Variants in TRIM35 observed in about 807,000 individuals in gnomAD.
TRIM35 encodes tripartite motif containing 35.
TRIM35 carries 37 observed loss-of-function variants against 49.1 expected under a neutral mutation model. That is an observed-to-expected ratio of 0.75 (90% CI 0.58 to 0.99). TRIM35 has a LOEUF of 0.99. Among genes scored for constraint, TRIM35 ranks in the 50% least tolerant of loss-of-function variants. TRIM35 has a pLI of 0.00. For missense variants in TRIM35, 648 were observed against 702.7 expected (o/e 0.92, Z 0.88); for synonymous variants, 302 against 289.3 (o/e 1.04, Z -0.45).
chr8:27,311,204 G>A lies in TRIM35; in HGVS notation c.32C>T (p.Pro11Leu), dbSNP rs201933491. The A allele has an allele frequency of 6.3e-7, 1 of 1,590,702 alleles. No individual in the cohort carries two copies. Among genetic ancestry groups the A allele is most frequent in the East Asian group, 2.3e-5 (1 of 44,156 alleles). ...CAACTCCTCCTTGAAGGAGCGGGAAGGCCCGGGGGACACGTCGGGACTCCG... is the reference window on the plus strand; with the variant it reads ...CAACTCCTCCTTGAAGGAGCGGGAAAGCCCGGGGGACACGTCGGGACTCCG... The part of the protein sequence containing the change: MERSPDVSPG[P>L]SRSFKEELLC... Residue 11 changes from proline (P) to leucine (L), a missense_variant, in exon 1 of 6, where the codon CCT (proline) becomes CTT (leucine). Coordinates refer to ENST00000305364, the MANE Select transcript of TRIM35 (RefSeq NM_171982.5).
At position 27,311,164 on chromosome 8, in the gene TRIM35, G is replaced by A. The variant is rs1337034691; in HGVS notation, c.72C>T (p.Cys24=). Reference sequence around the variant, plus strand: ...TGACTGCGTCGCGGAAGGGGTCGTAGCAGACGGCGCAGAGCAACTCCTCCT... The same window carrying A: ...TGACTGCGTCGCGGAAGGGGTCGTAACAGACGGCGCAGAGCAACTCCTCCT... ...SFKEELLCAV[C]YDPFRDAVTL... Residue 24 remains cysteine (C), a synonymous_variant, in exon 1 of 6, where the codon TGC becomes TGT. Transcript: ENST00000305364. 6.8e-6 allele frequency: 11 copies of A among 1,607,210 alleles called. No individual in the cohort carries two copies. Among genetic ancestry groups the A allele is most frequent in the Non-Finnish European group, 9.3e-6 (11 of 1,177,920 alleles).
At chr8:27,310,601 C>T (rs975219040) in intron 1 of TRIM35, among the ~76,000 whole-genome samples, 200 bp downstream of exon 1, 1 of 152,260 alleles carries the variant, frequency 6.6e-6, no homozygotes, top group Non-Finnish European at 1.5e-5. Context: ...GCATTCTCTT[C>T]TCCCAGCACG....
chr8:27,291,058 C>CAAAAAA (rs56953962), intron 3 of TRIM35, among the ~76,000 whole-genome samples: 8 of 50,614 alleles, frequency 1.6e-4, no homozygotes, highest in East Asian at 6.3e-4. Context: ...TGTTGACATG[C>CAAAAAA]AAAAAAAAAA....
At chr8:27,290,723 C>T (rs1013732195) in intron 3 of TRIM35, among the ~76,000 whole-genome samples, 1 of 152,162 alleles carries the variant, frequency 6.6e-6, no homozygotes, top group African/African-American at 2.4e-5. Flanking sequence ...AGTGCAATCC[C>T]TTATCCTAGC....
chr8:27,286,397 C>G lies in TRIM35; in HGVS notation c.*1153G>C. 3.2e-6 allele frequency: 1 copy of G among 316,634 alleles called. No individual in the cohort carries two copies. The highest frequency in any genetic ancestry group is 4.1e-5 in the Admixed American group (1 of 24,374). The allele number at this position is 316,634 out of a possible 1,614,324, so 19.6% of individuals were successfully genotyped here. ...GTTTAGGGCCACGTCCATGGCGCCA[C>G]CCCTCTCCTTTCTTCCCAACTGAAA... is the stretch of plus-strand genomic sequence containing the variant. On this transcript the variant is annotated 3_prime_UTR_variant, in exon 6 of 6. Coordinates refer to ENST00000305364, the MANE Select transcript of TRIM35 (RefSeq NM_171982.5).
intron 3 of TRIM35, among the ~76,000 whole-genome samples, chr8:27,290,891 T>G (rs1802439294): frequency 6.6e-6 from 1 of 152,046 alleles, no homozygotes; most frequent in African/African-American, 2.4e-5. Context: ...CAAGATAGTA[T>G]GGTACTAATA....
At chr8:27,305,858 T>C (rs1462330894) in intron 1 of TRIM35, among the ~76,000 whole-genome samples, 1 of 152,156 alleles carries the variant, frequency 6.6e-6, no homozygotes, top group African/African-American at 2.4e-5. Context: ...TTATGTAAGA[T>C]ACAGGGTCTC....
In TRIM35 at chr8:27,287,399, G is replaced by T; in HGVS notation, c.*151C>A. On this transcript the variant is annotated 3_prime_UTR_variant, in exon 6 of 6. Coordinates refer to ENST00000305364, the MANE Select transcript of TRIM35 (RefSeq NM_171982.5). This position sits in a 1 kb window ranked among gnomAD's most constrained non-coding sequence, Gnocchi z 6.0. ...GGGACCAAACATGGAGAGAGGCACAGCCTGGAGTCATGGAAAAGGACCAGG... is the reference window on the plus strand; with the variant it reads ...GGGACCAAACATGGAGAGAGGCACATCCTGGAGTCATGGAAAAGGACCAGG... 1 of 852,362 alleles carries T rather than the reference G, an allele frequency of 1.2e-6. No homozygotes were observed. The highest frequency in any genetic ancestry group is 1.8e-6 in the Non-Finnish European group (1 of 561,586). 52.8% of individuals were successfully genotyped at this position (852,362 alleles called of 1,614,324 possible).
chr8:27,287,345 C>T lies in TRIM35; in HGVS notation c.*205G>A, dbSNP rs912229342. On this transcript the variant is annotated 3_prime_UTR_variant, in exon 6 of 6. Transcript: ENST00000305364. The surrounding 1 kb of genome is among the most constrained non-coding windows in gnomAD (Gnocchi z 6.0). ...GAGAGCCTGGCCAGCGAGGTGCCAC[C>T]CGAATAGCTCCTGACCATGGGCACA... 2.8e-4 allele frequency: 157 copies of T among 563,398 alleles called. 2 individuals carry two copies. Among genetic ancestry groups the T allele is most frequent in the African/African-American group, 2.5e-3 (132 of 52,634 alleles). 34.9% of individuals were successfully genotyped at this position (563,398 alleles called of 1,614,324 possible).
rs1295010226 is a variant in TRIM35 at position 27,288,255 on chromosome 8, A to G, written c.905-128T>C. The stretch of plus-strand genomic sequence containing the variant: ...CCCAAGTCCATGCAAGGAGTGGCCC[A>G]GGGCTGGAGTGGTGGCAGGGGTTGG... On this transcript the variant is annotated intron_variant, in intron 5 of 5. Coordinates refer to ENST00000305364, the MANE Select transcript of TRIM35 (RefSeq NM_171982.5). 9 of 903,502 alleles carry G rather than the reference A, an allele frequency of 1.0e-5. No individual in the cohort carries two copies. The Admixed American group carries it at 2.5e-4, about 25-fold the overall frequency. 56.0% of individuals were successfully genotyped at this position (903,502 alleles called of 1,614,324 possible).
In TRIM35 at chr8:27,287,905, C is replaced by T. The variant is rs770736526; in HGVS notation, c.1127G>A (p.Arg376His). The change falls in exon 6 of 6, where the codon CGC becomes CAC. Residue 376 changes from arginine (R) to histidine (H), a missense_variant. Physicochemically the swap from Arg to His is conservative, Grantham distance 29. Coordinates refer to ENST00000305364, the MANE Select transcript of TRIM35 (RefSeq NM_171982.5). This position sits in a 1 kb window ranked among gnomAD's most constrained non-coding sequence, Gnocchi z 6.0. ...GTGGCCCTCAGCGCCCGAGTCCTGG[C>T]GCACACGTACCACGCCCACCCTCCA... ...QSWRVGVVRV[R>H]QDSGAEGHSH... 7 of 1,612,972 alleles carry T rather than the reference C, an allele frequency of 4.3e-6. No individual in the cohort carries two copies. Among genetic ancestry groups the T allele is most frequent in the Admixed American group, 3.3e-5 (2 of 59,990 alleles).
At chr8:27,298,395 C>A (rs943481014) in intron 2 of TRIM35, 69 bp downstream of exon 2, 16 of 1,474,776 alleles carry the variant, frequency 1.1e-5, no homozygotes, top group Non-Finnish European at 1.3e-5. Flanking sequence ...ACGGCTGACA[C>A]ATCTTCACTC....
At chr8:27,306,758 C>T (rs1444673760) in intron 1 of TRIM35, among the ~76,000 whole-genome samples, 2 of 152,174 alleles carry the variant, frequency 1.3e-5, no homozygotes, top group Non-Finnish European at 2.9e-5. Flanking sequence ...AATCCCGTAA[C>T]AAGAAAGCTC....
At chr8:27,290,234 T>C in intron 3 of TRIM35, 56 bp from the exon 4 acceptor site, 1 of 1,575,054 alleles carries the variant, frequency 6.3e-7, no homozygotes, top group South Asian at 1.1e-5. Context: ...AGGAAATGTA[T>C]ATGTTTCTGA....
chr8:27,298,666 G>T, intron 1 of TRIM35, 107 bp from the exon 2 acceptor site: 2 of 894,452 alleles, frequency 2.2e-6, no homozygotes, highest in Non-Finnish European at 3.7e-6. Context: ...CAACACAAGT[G>T]TAACTCAACT....
chr8:27,303,191 C>T (rs1802714124), intron 1 of TRIM35, among the ~76,000 whole-genome samples: 1 of 152,086 alleles, frequency 6.6e-6, no homozygotes, highest in African/African-American at 2.4e-5. Flanking sequence ...TATTAAGCAA[C>T]ACAGAATTAG....
At chr8:27,288,182 A>G in intron 5 of TRIM35, 55 bp from the exon 6 acceptor site, 7 of 1,506,598 alleles carry the variant, frequency 4.6e-6, no homozygotes, top group African/African-American at 4.1e-5. Flanking sequence ...CTTAGGCCAC[A>G]CGTGGATATC....
chr8:27,287,758 G>A lies in TRIM35; in HGVS notation c.1274C>T (p.Pro425Leu). 1 of 1,610,494 alleles carries A rather than the reference G, an allele frequency of 6.2e-7. No individual in the cohort carries two copies. Among genetic ancestry groups the A allele is most frequent in the South Asian group, 1.1e-5 (1 of 90,354 alleles). The change falls in exon 6 of 6, where the codon CCA becomes CTA. Residue 425 changes from proline to leucine, a missense_variant. Pro to Leu is a moderately conservative substitution (Grantham distance 98). Transcript: ENST00000305364. This position sits in a 1 kb window ranked among gnomAD's most constrained non-coding sequence, Gnocchi z 6.0. ...CTCCAGCTCCACACGCAGGCGGCGT[G>A]GGATGGCCAGGACCAGGGGCGACGT... ...PATSPLVLAI[P>L]RRLRVELECE... is the part of the protein sequence containing the mutation.
intron 3 of TRIM35, among the ~76,000 whole-genome samples, chr8:27,290,857 G>T (rs1802438522): frequency 1.3e-5 from 2 of 151,980 alleles, no homozygotes; most frequent in South Asian, 4.1e-4. Context: ...CCAATTTCAA[G>T]ACTTACTACA....
Sources: gnomAD v4.1 joint callset for allele counts (sites outside exome capture counted in the v4.1 genomes callset) on GRCh38, gnomAD v4.1.1 for gene constraint, Gnocchi (gnomAD v3.1) non-coding constraint, MANE v1.5 for transcripts, NCBI Gene and HGNC (gene_info 2026-07-23, HGNC 2026-07-21) for gene names.